The following GRM4 variants were observed in gnomAD, a reference collection of about 807,000 sequenced individuals.
GRM4 encodes the protein glutamate metabotropic receptor 4.
A neutral mutation model predicts 81.7 loss-of-function variants in GRM4; 28 were observed. The observed-to-expected ratio is 0.34, with a 90% confidence interval of 0.25 to 0.47. The LOEUF is 0.47. GRM4 is among the 20% of genes least tolerant of loss of function. The pLI is 1.00. For synonymous variants in GRM4, 488 were observed against 528.8 expected (o/e 0.92, Z 1.06); for missense variants, 948 against 1,290.0 (o/e 0.73, Z 4.06).
intron 1 of GRM4, among the ~76,000 whole-genome samples, chr6:34,135,803 T>G (rs61131344): frequency 0.022 from 3,361 of 152,344 alleles, 85 homozygotes; most frequent in East Asian, 0.11. Context: ...ATAAGAGCCA[T>G]AGACGAATCT....
chr6:34,091,562 C>T (rs1389925907), intron 3 of GRM4: 1 of 335,572 alleles, frequency 3.0e-6, no homozygotes, highest in Non-Finnish European at 5.5e-6. Context: ...AAACAAGGCC[C>T]CTCGTCCCCA....
chr6:34,056,230 G>A (rs879817814), intron 6 of GRM4: 31 of 287,352 alleles, frequency 1.1e-4, no homozygotes, highest in Non-Finnish European at 1.7e-4. Flanking sequence ...TGTGCATCAA[G>A]ACTGGATACA....
chr6:34,093,381 A>T (rs576046487), intron 2 of GRM4, among the ~76,000 whole-genome samples: 112 of 152,340 alleles, frequency 7.4e-4, no homozygotes, highest in African/African-American at 2.6e-3. Flanking sequence ...CCCGACATTC[A>T]ACTCTATTCA....
chr6:34,140,634 C>T (rs920474978), intron 1 of GRM4, among the ~76,000 whole-genome samples: 3 of 152,220 alleles, frequency 2.0e-5, no homozygotes, highest in Non-Finnish European at 4.4e-5. Flanking sequence ...ACCAGGCTCA[C>T]GCTTGCCTGG....
Position 34,036,716 on chromosome 6 carries a change from G to A in GRM4, c.1507-113C>T. ...CCACACTCAAATCACCCAGCTAGTT[G>A]GCTAAAAGTCCAGCTGCCCGGACCC... On this transcript the variant is annotated intron_variant, in intron 8 of 10. Coordinates refer to ENST00000538487, the MANE Select transcript of GRM4 (RefSeq NM_000841.4). The surrounding 1 kb of genome is among the most constrained non-coding windows in gnomAD (Gnocchi z 9.0). 1 of 630,076 alleles carries A rather than the reference G, an allele frequency of 1.6e-6. No homozygotes were observed. The highest frequency in any genetic ancestry group is 3.0e-5 in the Admixed American group (1 of 33,150). The allele number at this position is 630,076 out of a possible 1,614,324, so 39.0% of individuals were successfully genotyped here.
intron 1 of GRM4, among the ~76,000 whole-genome samples, chr6:34,135,373 C>T (rs1770418017): frequency 6.6e-6 from 1 of 152,232 alleles, no homozygotes; most frequent in South Asian, 2.1e-4. Flanking sequence ...TCCTCAGAAA[C>T]CAAGAATATG....
At chr6:34,091,788 G>C in intron 3 of GRM4, 95 bp downstream of exon 3, 1 of 891,792 alleles carries the variant, frequency 1.1e-6, no homozygotes, top group Non-Finnish European at 1.8e-6. Context: ...GTCAGAGCCT[G>C]TATCAGGCCC....
rs576956818 is a variant in GRM4 at position 34,115,441 on chromosome 6, T to C, written c.519+17537A>G. On this transcript the variant is annotated intron_variant, in intron 2 of 10. Coordinates refer to ENST00000538487, the MANE Select transcript of GRM4 (RefSeq NM_000841.4). The surrounding 1 kb of genome is among the most constrained non-coding windows in gnomAD (Gnocchi z 4.1). Reference sequence around the variant, plus strand: ...CCACATGCCCAACTCCCACCAAAACTGGCAGGAGCGCACCCCCTGGGAAGC... The same window carrying C: ...CCACATGCCCAACTCCCACCAAAACCGGCAGGAGCGCACCCCCTGGGAAGC... 3.7e-4 allele frequency among the ~76,000 whole-genome samples: 57 copies of C among 152,232 alleles called. 1 individual carries two copies. In the South Asian group the frequency reaches 9.3e-3, roughly 25 times the overall value.
chr6:34,024,702 C>A, intron 10 of GRM4: 2 of 455,820 alleles, frequency 4.4e-6, no homozygotes, highest in South Asian at 3.1e-5. Context: ...GAGTCAGTGG[C>A]CTATGAGCTC....
intron 6 of GRM4, 156 bp downstream of exon 6, chr6:34,056,388 G>C (rs3734361): frequency 1.6e-6 from 1 of 622,056 alleles, no homozygotes; most frequent in Non-Finnish European, 2.8e-6. Context: ...CCCGCCCCAG[G>C]CCTCCCAACT....
chr6:34,043,714 C>A (rs894738636), intron 6 of GRM4, among the ~76,000 whole-genome samples: 8 of 152,158 alleles, frequency 5.3e-5, no homozygotes, highest in African/African-American at 1.9e-4. Flanking sequence ...GCCACTTGGG[C>A]TCGGGGCCAA....
At position 34,033,876 on chromosome 6, in the gene GRM4, T is replaced by C. The variant is rs1014194987; in HGVS notation, c.2442+1792A>G. On this transcript the variant is annotated intron_variant, in intron 9 of 10. Coordinates refer to ENST00000538487, the MANE Select transcript of GRM4 (RefSeq NM_000841.4). ...CCTCAGCCTCCTGAATAGCTTGGAC[T>C]ACAAGCATAAGCCACCATGCCTGGC... is the stretch of plus-strand genomic sequence containing the variant. 1.3e-5 allele frequency among the ~76,000 whole-genome samples: 2 copies of C among 152,164 alleles called. 1 individual carries two copies. The highest frequency in any genetic ancestry group is 4.8e-5 in the African/African-American group (2 of 41,444).
At chr6:34,140,603 C>G (rs1770640923) in intron 1 of GRM4, among the ~76,000 whole-genome samples, 2 of 152,198 alleles carry the variant, frequency 1.3e-5, no homozygotes, top group South Asian at 4.1e-4. Context: ...TTCCTCCTCT[C>G]CCAGAGCCAG....
In GRM4 at chr6:34,034,301, C is replaced by T. The variant is rs928234435; in HGVS notation, c.2442+1367G>A. ...TGCTCAGGCCTCAAAGCATGGTGTC[C>T]TCCTTGACTCGACTGTCTCCTCGTC... On this transcript the variant is annotated intron_variant, in intron 9 of 10. Coordinates refer to ENST00000538487, the MANE Select transcript of GRM4 (RefSeq NM_000841.4). The surrounding 1 kb of genome is among the most constrained non-coding windows in gnomAD (Gnocchi z 4.0). 3.9e-5 allele frequency among the ~76,000 whole-genome samples: 6 copies of T among 152,178 alleles called. No homozygotes were observed. Among genetic ancestry groups the T allele is most frequent in the African/African-American group, 1.4e-4 (6 of 41,428 alleles).
intron 2 of GRM4, among the ~76,000 whole-genome samples, chr6:34,102,482 A>G (rs12214371): frequency 0.22 from 33,198 of 151,734 alleles, 4,463 homozygotes; most frequent in Admixed American, 0.3. Context: ...TCCCCCAGAT[A>G]TGCATGTGGC....
intron 2 of GRM4, among the ~76,000 whole-genome samples, chr6:34,122,097 G>A (rs1421978322): frequency 6.6e-6 from 1 of 152,116 alleles, no homozygotes; most frequent in Non-Finnish European, 1.5e-5. Flanking sequence ...GTGTCCCACA[G>A]GGAACAGGTG....
intron 10 of GRM4, among the ~76,000 whole-genome samples, chr6:34,026,577 AG>A (rs1764142819): frequency 1.3e-5 from 2 of 152,122 alleles, no homozygotes; most frequent in South Asian, 2.1e-4. Flanking sequence ...GGCAGGAAGC[AG>A]GGGCCTGGGG....
intron 2 of GRM4, chr6:34,101,959 G>A (rs954626691): frequency 5.4e-5 from 81 of 1,501,722 alleles, no homozygotes; most frequent in Non-Finnish European, 7.3e-5. Context: ...GCCAGGACGT[G>A]TGGACCTCCA....
chr6:34,146,198 A>AC, upstream of GRM4: 1 of 945,474 alleles, frequency 1.1e-6, no homozygotes, highest in Non-Finnish European at 1.3e-6. Context: ...TCATTTGCAC[A>AC]CCCCACTGCT....
Sources: allele counts gnomAD v4.1 joint callset (sites outside exome capture counted in the v4.1 genomes callset), GRCh38; gene constraint gnomAD v4.1.1; non-coding constraint Gnocchi (gnomAD v3.1); transcripts MANE v1.5; gene names NCBI Gene and HGNC (gene_info 2026-07-23, HGNC 2026-07-21).